Variants in JMY observed in about 807,000 individuals in gnomAD.
The protein encoded by JMY is junction-mediating and -regulatory protein.
A neutral mutation model predicts 103.3 loss-of-function variants in JMY; 46 were observed. The observed-to-expected ratio is 0.45, with a 90% CI of 0.35 to 0.57. The LOEUF (loss-of-function observed/expected upper bound fraction) is 0.57, where lower values mean the gene tolerates loss of function less well. JMY is among the 20% of genes least tolerant of loss of function. JMY has a pLI of 0.00. For missense variants in JMY, 1,238 were observed against 1,255.2 expected (o/e 0.99, Z 0.21); for synonymous variants, 526 against 489.3 (o/e 1.07, Z -0.99).
intron 4 of JMY, among the ~76,000 whole-genome samples, chr5:79,293,331 A>C (rs1311356102): frequency 6.6e-6 from 1 of 152,206 alleles, no homozygotes; most frequent in Non-Finnish European, 1.5e-5. Flanking sequence ...GACTTGAAAG[A>C]ATTAACTGCT....
At chr5:79,298,741 G>A (rs1177768511) in intron 4 of JMY, among the ~76,000 whole-genome samples, 13 of 152,128 alleles carry the variant, frequency 8.5e-5, no homozygotes, top group Non-Finnish European at 1.0e-4. Context: ...ACAACTGCAC[G>A]TTTAGACTGG....
chr5:79,294,397 A>T (rs891835536), intron 4 of JMY, among the ~76,000 whole-genome samples: 3 of 152,016 alleles, frequency 2.0e-5, no homozygotes, highest in Non-Finnish European at 4.4e-5. Flanking sequence ...ACAGAGTGAG[A>T]CTCCGTCTAA....
chr5:79,243,429 G>C (rs1744799432), intron 1 of JMY, among the ~76,000 whole-genome samples: 1 of 152,170 alleles, frequency 6.6e-6, no homozygotes, highest in African/African-American at 2.4e-5. Flanking sequence ...GGTGGAAGCA[G>C]GCTGCTATTT....
intron 1 of JMY, among the ~76,000 whole-genome samples, chr5:79,252,447 G>C (rs972354816): frequency 6.6e-6 from 1 of 151,820 alleles, no homozygotes; most frequent in Non-Finnish European, 1.5e-5. Flanking sequence ...GTATCTGTTG[G>C]ATGAAATGTT....
At chr5:79,270,412 T>A (rs1745719212) in intron 1 of JMY, among the ~76,000 whole-genome samples, 1 of 96,986 alleles carries the variant, frequency 1.0e-5, no homozygotes, top group East Asian at 2.7e-4. Flanking sequence ...ACATAAATAT[T>A]TAAAATATAT....
Position 79,326,845 on chromosome 5 carries a change from A to G in JMY, c.*5243A>G, listed in dbSNP as rs1747662867. 6.6e-6 allele frequency: 1 copy of G among 152,254 alleles called. No homozygotes were observed. Among genetic ancestry groups the G allele is most frequent in the African/African-American group, 2.4e-5 (1 of 41,482 alleles). 9.4% of individuals were successfully genotyped at this position (152,254 alleles called of 1,614,324 possible). ...GCTTTAGTACCATTACATTAAATGGACAGTGTGCACAGTGTATTGTAAATG... is the reference window on the plus strand; with the variant it reads ...GCTTTAGTACCATTACATTAAATGGGCAGTGTGCACAGTGTATTGTAAATG... On this transcript the variant is annotated 3_prime_UTR_variant, in exon 11 of 11. Transcript: ENST00000396137.
intron 4 of JMY, 107 bp downstream of exon 4, chr5:79,291,406 C>T: frequency 1.1e-6 from 1 of 906,350 alleles, no homozygotes; most frequent in Non-Finnish European, 1.6e-6. Flanking sequence ...TTTATGCCAT[C>T]TTCATGAGAT....
chr5:79,237,360 A>C lies in JMY; in HGVS notation c.710A>C (p.Asp237Ala), dbSNP rs777967903. Residue 237 changes from aspartate to alanine, a missense_variant, in exon 1 of 11, where the codon GAC becomes GCC. Asp to Ala is a moderately radical substitution (Grantham distance 126, BLOSUM62 -2). Transcript: ENST00000396137. ...TGGGCCGGACTGTTTTCTTTCCAGG[A>C]CCTGCGCGCCGTGCACCAGCAGCTG... ...CSWAGLFSFQ[D>A]LRAVHQQLCS... The C allele has an allele frequency of 1.2e-6, 2 of 1,612,160 alleles. No homozygotes were observed. The highest frequency in any genetic ancestry group is 3.3e-5 in the Admixed American group (2 of 59,824).
intron 4 of JMY, among the ~76,000 whole-genome samples, chr5:79,297,361 AC>A (rs759817609): frequency 5.9e-5 from 9 of 152,128 alleles, no homozygotes; most frequent in Non-Finnish European, 1.0e-4. Flanking sequence ...CCATTGTGGC[AC>A]CCACCTTCCC....
chr5:79,301,351 C>G (rs547859992), intron 6 of JMY, among the ~76,000 whole-genome samples: 2 of 152,300 alleles, frequency 1.3e-5, no homozygotes, highest in African/African-American at 2.4e-5. Context: ...GGAGCTGTTT[C>G]TAGTCACTGT....
chr5:79,237,178 G>A lies in JMY; in HGVS notation c.528G>A (p.Gln176=), dbSNP rs545856759. The A allele has an allele frequency of 6.5e-6, 10 of 1,549,954 alleles. No homozygotes were observed. Among genetic ancestry groups the A allele is most frequent in the East Asian group, 2.4e-5 (1 of 40,906 alleles). Residue 176 remains glutamine (Q), a synonymous_variant, in exon 1 of 11, where the codon CAG becomes CAA. Transcript: ENST00000396137. ...CCCGGCCGGCGCCCAGAGAGGCCCA[G>A]GTGTCCTCTGTACGGATAGTGAGCG... The part of the protein sequence containing the change: ...AAARPAPREA[Q]VSSVRIVSAS...
chr5:79,284,911 A>T, intron 2 of JMY: 2 of 1,544,664 alleles, frequency 1.3e-6, no homozygotes, highest in South Asian at 1.1e-5. Flanking sequence ...GTTCTTGCCA[A>T]CCGCCATGGT....
Position 79,326,919 on chromosome 5 carries a change from A to G in JMY, c.*5317A>G, listed in dbSNP as rs1462038045. ...CTTAAATATGTTCAATTAACATCCT[A>G]AAGTATTAAAAGTACAGAGGAAAAA... On this transcript the variant is annotated 3_prime_UTR_variant, in exon 11 of 11. Transcript: ENST00000396137. 1.3e-5 allele frequency: 2 copies of G among 152,248 alleles called. No individual in the cohort carries two copies. The highest frequency in any genetic ancestry group is 2.9e-5 in the Non-Finnish European group (2 of 68,044). The allele number at this position is 152,248 out of a possible 1,614,324, so 9.4% of individuals were successfully genotyped here.
At chr5:79,296,765 C>A (rs536895692) in intron 4 of JMY, among the ~76,000 whole-genome samples, 1 of 152,228 alleles carries the variant, frequency 6.6e-6, no homozygotes, top group Non-Finnish European at 1.5e-5. Context: ...ACAGGTAGCT[C>A]TTTTAATAGT....
chr5:79,304,336 T>C (rs1746821501), intron 6 of JMY, among the ~76,000 whole-genome samples: 1 of 152,196 alleles, frequency 6.6e-6, no homozygotes, highest in South Asian at 2.1e-4. Context: ...CTATGTAACA[T>C]AATCCTATAT....
At chr5:79,294,646 C>T (rs1746517066) in intron 4 of JMY, among the ~76,000 whole-genome samples, 1 of 152,076 alleles carries the variant, frequency 6.6e-6, no homozygotes, top group Non-Finnish European at 1.5e-5. Context: ...CATCTGAGGT[C>T]AGGAGTTCGA....
chr5:79,293,691 A>G (rs953851803), intron 4 of JMY, among the ~76,000 whole-genome samples: 1 of 152,226 alleles, frequency 6.6e-6, no homozygotes, highest in African/African-American at 2.4e-5. Context: ...TTCTCAAATT[A>G]TCTATATCTG....
rs900145910 is a variant in JMY at position 79,326,008 on chromosome 5, T to A, written c.*4406T>A. The A allele has an allele frequency of 6.6e-6, 1 of 152,176 alleles. No individual in the cohort carries two copies. Among genetic ancestry groups the A allele is most frequent in the Non-Finnish European group, 1.5e-5 (1 of 68,026 alleles). 9.4% of individuals were successfully genotyped at this position (152,176 alleles called of 1,614,324 possible). On this transcript the variant is annotated 3_prime_UTR_variant, in exon 11 of 11. Coordinates refer to ENST00000396137, the MANE Select transcript of JMY (RefSeq NM_152405.5). ...ACAACTTCGCAATTGTAGGATTTAA[T>A]TGATTGAATTCCAAATTTATACTGT...
intron 2 of JMY, among the ~76,000 whole-genome samples, chr5:79,288,273 C>T (rs770631364): frequency 2.6e-5 from 4 of 152,162 alleles, no homozygotes; most frequent in Non-Finnish European, 5.9e-5. Context: ...GGACTGCTTT[C>T]CATCCCTTAG....
Sources: gnomAD v4.1 joint callset for allele counts (sites outside exome capture counted in the v4.1 genomes callset) on GRCh38, gnomAD v4.1.1 for gene constraint, MANE v1.5 for transcripts, NCBI Gene and HGNC (gene_info 2026-07-23, HGNC 2026-07-21) for gene names.